CSMD1: variants seen among roughly 807,000 people sequenced by gnomAD.
The protein encoded by CSMD1 is CUB and Sushi multiple domains 1.
In CSMD1, 213 loss-of-function variants were observed where a neutral mutation model predicts 417.5. The observed-to-expected ratio is 0.51, with a 90% CI of 0.46 to 0.57. The LOEUF is 0.57. CSMD1 is among the 20% of genes least tolerant of loss of function. CSMD1 has a pLI of 0.00. For missense variants in CSMD1, 6,923 were observed against 4,529.7 expected (o/e 1.53, Z -15.17); for synonymous variants, 2,862 against 1,736.8 (o/e 1.65, Z -16.11).
chr8:3,183,505 C>T (rs1821559843), intron 36 of CSMD1, among the ~76,000 whole-genome samples: 1 of 49,090 alleles, frequency 2.0e-5, no homozygotes, highest in Non-Finnish European at 4.1e-5. Flanking sequence ...ATACCATCGG[C>T]ATCCATCCAC....
chr8:3,981,179 TG>T (rs1813833651), intron 5 of CSMD1, among the ~76,000 whole-genome samples: 2 of 152,322 alleles, frequency 1.3e-5, no homozygotes, highest in Admixed American at 6.5e-5. Context: ...ACTCCAAGAA[TG>T]GGTATCTCCA....
chr8:4,417,513 G>A (rs1348473303), intron 3 of CSMD1, among the ~76,000 whole-genome samples: 1 of 151,706 alleles, frequency 6.6e-6, no homozygotes, highest in Non-Finnish European at 1.5e-5. Flanking sequence ...CCATGTTTTA[G>A]TTAAATAAAA....
intron 5 of CSMD1, among the ~76,000 whole-genome samples, chr8:3,821,897 G>A (rs562990858): frequency 2.0e-5 from 3 of 152,166 alleles, no homozygotes; most frequent in South Asian, 2.1e-4. Context: ...CATGAACTGT[G>A]CTTCCAGAAG....
intron 1 of CSMD1, among the ~76,000 whole-genome samples, chr8:4,874,865 T>G (rs1395212100): frequency 6.7e-6 from 1 of 148,494 alleles, no homozygotes; most frequent in Non-Finnish European, 1.5e-5. Flanking sequence ...AAATATAGTA[T>G]AGTGTATATA....
intron 12 of CSMD1, among the ~76,000 whole-genome samples, chr8:3,444,571 C>A (rs971082721): frequency 1.3e-5 from 2 of 152,130 alleles, no homozygotes; most frequent in African/African-American, 4.8e-5. Context: ...GAGGATGCTA[C>A]TGGTATCTGG....
chr8:4,128,991 G>A (rs976571549), intron 3 of CSMD1, among the ~76,000 whole-genome samples: 3 of 146,260 alleles, frequency 2.1e-5, no homozygotes, highest in Admixed American at 7.1e-5. Context: ...CAGGAGAGTT[G>A]CTTGAACCCG....
At chr8:4,392,103 C>T (rs1187637669) in intron 3 of CSMD1, among the ~76,000 whole-genome samples, 2 of 152,286 alleles carry the variant, frequency 1.3e-5, no homozygotes, top group Non-Finnish European at 2.9e-5. Flanking sequence ...CAAGGAAAGA[C>T]CAGCAGAATC....
intron 3 of CSMD1, among the ~76,000 whole-genome samples, chr8:4,118,695 G>A (rs966495648): frequency 2.6e-5 from 4 of 152,154 alleles, no homozygotes; most frequent in African/African-American, 9.7e-5. Flanking sequence ...GATTGCTCAA[G>A]GATCTAGAAC....
intron 2 of CSMD1, among the ~76,000 whole-genome samples, chr8:4,606,574 C>G (rs569179332): frequency 3.3e-5 from 5 of 152,284 alleles, no homozygotes; most frequent in South Asian, 4.1e-4. Flanking sequence ...ACTGTTCTCT[C>G]AAGGACCAGG....
chr8:4,143,338 C>T (rs1170051812), intron 3 of CSMD1, among the ~76,000 whole-genome samples: 1 of 146,112 alleles, frequency 6.8e-6, no homozygotes, highest in Non-Finnish European at 1.5e-5. Flanking sequence ...AAATCTGATT[C>T]ATGGGCTGCT....
intron 12 of CSMD1, among the ~76,000 whole-genome samples, chr8:3,452,785 T>G (rs940965108): frequency 5.3e-5 from 8 of 152,140 alleles, no homozygotes; most frequent in Admixed American, 3.3e-4. Flanking sequence ...TCTCTTTTTT[T>G]GTTGTGTCTC....
Position 3,124,228 on chromosome 8 carries a change from G to T in CSMD1, c.6242-5641C>A, listed in dbSNP as rs138133006. On this transcript the variant is annotated intron_variant, in intron 41 of 69. Coordinates refer to ENST00000635120, the MANE Select transcript of CSMD1 (RefSeq NM_033225.6). ...TTGAGTGAAATAAAGATTATTTATT[G>T]ACTCTACTCTGTTATAAATGCTAGT... 9.9e-5 allele frequency among the ~76,000 whole-genome samples: 15 copies of T among 151,656 alleles called. 2 individuals carry two copies. In the East Asian group the frequency reaches 2.6e-3, roughly 26 times the overall value.
intron 1 of CSMD1, among the ~76,000 whole-genome samples, chr8:4,753,545 G>A (rs566841975): frequency 1.3e-5 from 2 of 151,690 alleles, no homozygotes; most frequent in Non-Finnish European, 2.9e-5. Context: ...CTAAGTCTTG[G>A]GTTCATGATT....
chr8:3,136,114 A>C (rs1285208434), intron 41 of CSMD1, among the ~76,000 whole-genome samples: 1 of 152,100 alleles, frequency 6.6e-6, no homozygotes, highest in Non-Finnish European at 1.5e-5. Context: ...CATGCATTAC[A>C]TCTAGCCACT....
At chr8:3,597,839 G>A (rs1801167080) in intron 8 of CSMD1, among the ~76,000 whole-genome samples, 1 of 152,152 alleles carries the variant, frequency 6.6e-6, no homozygotes, top group Non-Finnish European at 1.5e-5. Flanking sequence ...CCTGTCGGGG[G>A]GTTGGGGACT....
intron 43 of CSMD1, among the ~76,000 whole-genome samples, chr8:3,109,116 T>A (rs1401025944): frequency 6.6e-6 from 1 of 152,024 alleles, no homozygotes; most frequent in Non-Finnish European, 1.5e-5. Flanking sequence ...ATTACAAAAA[T>A]TAGCTGGGCC....
intron 12 of CSMD1, among the ~76,000 whole-genome samples, chr8:3,414,993 C>G (rs956633073): frequency 5.9e-5 from 9 of 152,186 alleles, no homozygotes; most frequent in Admixed American, 3.9e-4. Flanking sequence ...CTGGCAGGGT[C>G]TATCTTGGTG....
chr8:3,209,693 G>T (rs10097677), intron 30 of CSMD1, among the ~76,000 whole-genome samples: 8,544 of 152,174 alleles, frequency 0.056, 549 homozygotes, highest in East Asian at 0.17. Flanking sequence ...TCTCACCTTA[G>T]AAGTTATTTT....
intron 3 of CSMD1, among the ~76,000 whole-genome samples, chr8:4,362,398 G>C (rs962009789): frequency 1.3e-5 from 2 of 151,816 alleles, no homozygotes; most frequent in African/African-American, 4.9e-5. Flanking sequence ...TGGGGACAGA[G>C]TCTCAGGTCC....
Sources: allele counts gnomAD v4.1 joint callset (sites outside exome capture counted in the v4.1 genomes callset), GRCh38; gene constraint gnomAD v4.1.1; transcripts MANE v1.5; gene names NCBI Gene and HGNC (gene_info 2026-07-23, HGNC 2026-07-21).